JAK1: variants seen among roughly 807,000 people sequenced by gnomAD.
The protein encoded by JAK1 is tyrosine-protein kinase JAK1.
A neutral mutation model predicts 136.6 loss-of-function variants in JAK1; 16 were observed. The observed-to-expected ratio is 0.12, with a 90% CI of 0.08 to 0.18. The LOEUF (loss-of-function observed/expected upper bound fraction) is 0.18, where lower values mean the gene tolerates loss of function less well. Ranked by LOEUF, JAK1 falls within the 10% of genes least tolerant of loss-of-function variation. JAK1 has a pLI of 1.00. For missense variants in JAK1, 859 were observed against 1,450.1 expected, an observed-to-expected ratio of 0.59 and a Z score of 6.62; for synonymous variants, 492 against 519.5, an observed-to-expected ratio of 0.95 and a Z score of 0.72.
At chr1:65,063,654 A>T (rs1647910240) in intron 1 of JAK1, among the ~76,000 whole-genome samples, 1 of 151,884 alleles carries the variant, frequency 6.6e-6, no homozygotes, top group African/African-American at 2.4e-5. Flanking sequence ...AAATACAAAA[A>T]ATCTGCCGGG....
chr1:65,005,856 T>C (rs966276518), intron 2 of JAK1, among the ~76,000 whole-genome samples: 1 of 152,208 alleles, frequency 6.6e-6, no homozygotes, highest in Non-Finnish European at 1.5e-5. Context: ...CAAGATGGTC[T>C]TGCAGAAGAA....
chr1:64,915,171 C>G (rs1234960028), intron 1 of JAK1, among the ~76,000 whole-genome samples: 1 of 152,098 alleles, frequency 6.6e-6, no homozygotes, highest in Non-Finnish European at 1.5e-5. Context: ...CCCAATTTCA[C>G]TCCCTTCTGA....
intron 1 of JAK1, among the ~76,000 whole-genome samples, chr1:64,955,311 A>G (rs1037289731): frequency 6.6e-6 from 1 of 152,190 alleles, no homozygotes; most frequent in Non-Finnish European, 1.5e-5. Context: ...ATCACACACC[A>G]CCAGGGGACT....
At chr1:64,863,294 C>A (rs1250351869) in intron 8 of JAK1, among the ~76,000 whole-genome samples, 3 of 148,552 alleles carry the variant, frequency 2.0e-5, no homozygotes, top group Non-Finnish European at 3.0e-5. Context: ...GGCCTAATAT[C>A]CAGGATGCAG....
intron 1 of JAK1, among the ~76,000 whole-genome samples, chr1:64,940,402 T>C (rs1404776161): frequency 4.0e-5 from 6 of 151,078 alleles, no homozygotes. Flanking sequence ...CTGCAACCTC[T>C]GCCTCTCAGG....
intron 1 of JAK1, among the ~76,000 whole-genome samples, chr1:64,947,113 T>C (rs1436940321): frequency 3.9e-5 from 6 of 152,180 alleles, no homozygotes; most frequent in African/African-American, 1.4e-4. Flanking sequence ...TTTTGCAAGA[T>C]GAAAAGAGTT....
chr1:64,889,393 A>T (rs1310137574), intron 1 of JAK1, among the ~76,000 whole-genome samples: 1 of 152,200 alleles, frequency 6.6e-6, no homozygotes, highest in African/African-American at 2.4e-5. Context: ...GATAGCAGTG[A>T]ATTCTTCCAC....
chr1:64,850,869 A>T lies in JAK1; in HGVS notation c.1690T>A (p.Trp564Arg). The T allele has an allele frequency of 6.2e-7, 1 of 1,613,498 alleles. No individual in the cohort carries two copies. Among genetic ancestry groups the T allele is most frequent in the Non-Finnish European group, 8.5e-7 (1 of 1,179,876 alleles). The change falls in exon 12 of 25, where the codon TGG (tryptophan) becomes AGG (arginine). Residue 564 changes from tryptophan (W) to arginine (R), a missense_variant. Trp to Arg is a moderately radical substitution (Grantham distance 101, BLOSUM62 -3). Transcript: ENST00000342505. ...LLVATKKAQE[W>R]QPVYPMSQLS... ...TGGCTCATGGGGTAGACGGGCTGCC[A>T]CTCCTGGGCTTTCTTAGTAGCCACC...
chr1:65,043,912 G>A (rs1647159773), intron 2 of JAK1, among the ~76,000 whole-genome samples: 2 of 152,090 alleles, frequency 1.3e-5, no homozygotes, highest in East Asian at 1.9e-4. Context: ...AATAAAGATA[G>A]GGTTTCACCA....
intron 12 of JAK1, among the ~76,000 whole-genome samples, chr1:64,848,334 C>A (rs1655373638): frequency 6.6e-6 from 1 of 152,228 alleles, no homozygotes; most frequent in Non-Finnish European, 1.5e-5. Context: ...CAGTTTCTCA[C>A]ACTGGAACCA....
intron 2 of JAK1, among the ~76,000 whole-genome samples, chr1:65,000,385 C>T (rs1207582281): frequency 6.6e-6 from 1 of 151,874 alleles, no homozygotes; most frequent in East Asian, 1.9e-4. Flanking sequence ...TGCCTGTAAT[C>T]CCAGATACTT....
At chr1:64,953,612 CAGCTA>C (rs1219153305) in intron 1 of JAK1, among the ~76,000 whole-genome samples, 1 of 152,174 alleles carries the variant, frequency 6.6e-6, no homozygotes, top group Non-Finnish European at 1.5e-5. Flanking sequence ...TACTTTAGGA[CAGCTA>C]AATGAACCCA....
At chr1:64,931,959 G>T (rs1186059003) in intron 1 of JAK1, among the ~76,000 whole-genome samples, 1 of 151,950 alleles carries the variant, frequency 6.6e-6, no homozygotes, top group Non-Finnish European at 1.5e-5. Context: ...AAAAAGGAGG[G>T]GGGGGGATAT....
intron 2 of JAK1, among the ~76,000 whole-genome samples, chr1:65,042,364 C>A (rs892684584): frequency 6.6e-6 from 1 of 151,732 alleles, no homozygotes; most frequent in Non-Finnish European, 1.5e-5. Context: ...ATATACTTTT[C>A]ATTTTCTTAG....
At chr1:65,009,163 TATTAA>T (rs1557756030) in intron 2 of JAK1, among the ~76,000 whole-genome samples, 3 of 152,242 alleles carry the variant, frequency 2.0e-5, no homozygotes, top group South Asian at 2.1e-4. Context: ...TAGAATTTAA[TATTAA>T]ATTAAATTAA....
chr1:65,024,968 ACT>A (rs969724259), intron 2 of JAK1, among the ~76,000 whole-genome samples: 1 of 151,510 alleles, frequency 6.6e-6, no homozygotes, highest in African/African-American at 2.4e-5. Flanking sequence ...CAAGAGCGAA[ACT>A]CTGTCTCAAA....
chr1:65,063,347 C>T (rs1647891582), intron 1 of JAK1, among the ~76,000 whole-genome samples: 1 of 152,174 alleles, frequency 6.6e-6, no homozygotes, highest in African/African-American at 2.4e-5. Context: ...TCCCATGACA[C>T]CCCTGCTAGC....
intron 2 of JAK1, among the ~76,000 whole-genome samples, chr1:65,014,490 A>T (rs566952376): frequency 6.6e-6 from 1 of 152,070 alleles, no homozygotes; most frequent in African/African-American, 2.4e-5. Flanking sequence ...AAAAATTCTC[A>T]CTCAAATTCA....
intron 1 of JAK1, among the ~76,000 whole-genome samples, chr1:64,909,777 C>T (rs1645251734): frequency 6.6e-6 from 1 of 152,092 alleles, no homozygotes; most frequent in Non-Finnish European, 1.5e-5. Flanking sequence ...TGAGCTGTGA[C>T]AGCACCTCTG....
Sources: allele counts gnomAD v4.1 joint callset (sites outside exome capture counted in the v4.1 genomes callset), GRCh38; gene constraint gnomAD v4.1.1; transcripts MANE v1.5; gene names NCBI Gene and HGNC (gene_info 2026-07-23, HGNC 2026-07-21).